NTRK3: variants seen among roughly 807,000 people sequenced by gnomAD.
NTRK3 encodes the protein neurotrophic receptor tyrosine kinase 3, also known as NT-3 growth factor receptor.
Under a neutral mutation model 91.7 loss-of-function variants are expected in NTRK3, and 24 were observed. The ratio of observed to expected loss-of-function variants is 0.26; its 90% confidence interval spans 0.19 to 0.37. The LOEUF (loss-of-function observed/expected upper bound fraction) is 0.37. NTRK3 is among the 10% of genes least tolerant of loss of function. The probability of loss-of-function intolerance (pLI) is 1.00; values close to 1 mark genes in which losing one functional copy is unlikely to be tolerated. For synonymous variants in NTRK3, 483 were observed against 404.0 expected (o/e 1.20, Z -2.34); for missense variants, 880 against 1,068.9 (o/e 0.82, Z 2.46).
chr15:88,090,867 G>A (rs896204860), intron 13 of NTRK3, among the ~76,000 whole-genome samples: 1 of 152,082 alleles, frequency 6.6e-6, no homozygotes, highest in Admixed American at 6.5e-5. Flanking sequence ...AAAAAAGCAC[G>A]GTTTCCAGGA....
At position 88,237,156 on chromosome 15, in the gene NTRK3, C is replaced by T. The variant is rs905832159; in HGVS notation, c.248+18750G>A. ...GATGGGTTAAGGAGTGGATAGAGGG[C>T]TGGACAGATGGATAGAGGATGTGAT... On this transcript the variant is annotated intron_variant, in intron 3 of 18. Transcript: ENST00000394480. The surrounding 1 kb of genome is among the most constrained non-coding windows in gnomAD (Gnocchi z 4.0). 4.6e-5 allele frequency among the ~76,000 whole-genome samples: 7 copies of T among 152,212 alleles called. No individual in the cohort carries two copies. The highest frequency in any genetic ancestry group is 1.9e-4 in the East Asian group (1 of 5,186).
chr15:88,113,737 C>G (rs1001738941), intron 13 of NTRK3, among the ~76,000 whole-genome samples: 1 of 152,194 alleles, frequency 6.6e-6, no homozygotes, highest in African/African-American at 2.4e-5. Flanking sequence ...CATGCTCATT[C>G]ATTTACATAT....
chr15:88,066,445 C>T (rs1055874557), intron 13 of NTRK3, among the ~76,000 whole-genome samples: 5 of 152,228 alleles, frequency 3.3e-5, no homozygotes, highest in Non-Finnish European at 5.9e-5. Flanking sequence ...AATGGACACA[C>T]AGCCCTGCCT....
chr15:87,931,822 C>T (rs761424098), intron 16 of NTRK3, among the ~76,000 whole-genome samples: 3 of 152,144 alleles, frequency 2.0e-5, no homozygotes, highest in Non-Finnish European at 4.4e-5. Flanking sequence ...ATTGAATGTC[C>T]CACTTCAAGA....
intron 3 of NTRK3, among the ~76,000 whole-genome samples, chr15:88,220,271 A>G (rs1164090625): frequency 6.6e-6 from 1 of 152,166 alleles, no homozygotes; most frequent in African/African-American, 2.4e-5. Context: ...GTGGAGTCCC[A>G]TGGCAGGGGT....
At chr15:88,098,446 G>A (rs1567398287) in intron 13 of NTRK3, 1 of 197,264 alleles carries the variant, frequency 5.1e-6, no homozygotes, top group East Asian at 7.9e-5. Context: ...AGCCACTCGT[G>A]GAGCTTCAGC....
intron 16 of NTRK3, among the ~76,000 whole-genome samples, chr15:87,930,468 T>C (rs2141927993): frequency 6.6e-6 from 1 of 152,180 alleles, no homozygotes; most frequent in South Asian, 2.1e-4. Context: ...TTTTACTATC[T>C]CCGGTGGGCT....
intron 14 of NTRK3, among the ~76,000 whole-genome samples, chr15:88,031,139 A>G (rs2078496102): frequency 6.6e-6 from 1 of 152,366 alleles, no homozygotes; most frequent in Admixed American, 6.5e-5. Context: ...TTAAACAGAA[A>G]CATATGACAA....
At chr15:88,080,239 G>T (rs2047925875) in intron 13 of NTRK3, among the ~76,000 whole-genome samples, 1 of 152,182 alleles carries the variant, frequency 6.6e-6, no homozygotes, top group South Asian at 2.1e-4. Context: ...ACATGGAATT[G>T]CTCAGTCAAA....
intron 13 of NTRK3, among the ~76,000 whole-genome samples, chr15:88,075,136 G>A (rs1314771228): frequency 4.6e-5 from 7 of 152,166 alleles, no homozygotes. Context: ...AAACTGTACA[G>A]TGACCCTGCA....
intron 17 of NTRK3, among the ~76,000 whole-genome samples, chr15:87,902,870 G>A (rs2066535406): frequency 6.6e-6 from 1 of 152,092 alleles, no homozygotes; most frequent in South Asian, 2.1e-4. Context: ...GCCCAGCTAG[G>A]ATGAAACTAC....
At chr15:87,906,965 T>C (rs1839347782) in intron 17 of NTRK3, among the ~76,000 whole-genome samples, 1 of 152,220 alleles carries the variant, frequency 6.6e-6, no homozygotes, top group Non-Finnish European at 1.5e-5. Flanking sequence ...TAACTCAGGA[T>C]ACATGGATAA....
chr15:88,126,276 A>G (rs767212935), exon 13 of NTRK3: 1 of 1,611,966 alleles, frequency 6.2e-7, no homozygotes, highest in South Asian at 1.1e-5. Context: ...CTTACCCTTC[A>G]TTCCAAATTT....
chr15:88,250,430 G>T (rs1176612019), intron 3 of NTRK3, among the ~76,000 whole-genome samples: 1 of 152,214 alleles, frequency 6.6e-6, no homozygotes, highest in East Asian at 1.9e-4. Context: ...TAAAAATAAT[G>T]ATATGACTGA....
At chr15:88,123,746 A>G (rs762105437) in intron 13 of NTRK3, among the ~76,000 whole-genome samples, 2 of 152,236 alleles carry the variant, frequency 1.3e-5, no homozygotes, top group East Asian at 3.8e-4. Flanking sequence ...AGTCATAGGC[A>G]TATTCAAAGA....
chr15:87,872,264 G>T (rs1289607769), exon 19 of NTRK3: 1 of 218,430 alleles, frequency 4.6e-6, no homozygotes, highest in Non-Finnish European at 9.1e-6. Context: ...TTAATCTCAA[G>T]ACTGTCCATT....
At chr15:88,002,181 T>G (rs914722773) in intron 14 of NTRK3, among the ~76,000 whole-genome samples, 16 of 147,744 alleles carry the variant, frequency 1.1e-4, no homozygotes, top group Non-Finnish European at 1.5e-4. Flanking sequence ...TTTTTTTTTT[T>G]TTTTTTTTTT....
intron 14 of NTRK3, among the ~76,000 whole-genome samples, chr15:87,976,453 C>T (rs755261855): frequency 2.0e-5 from 3 of 152,168 alleles, no homozygotes; most frequent in Non-Finnish European, 4.4e-5. Context: ...AATGACTGAG[C>T]TCCATCAGGG....
In NTRK3 at chr15:88,177,528, A is replaced by C. The variant is rs74481559; in HGVS notation, c.395+5890T>G. 9.3e-4 allele frequency among the ~76,000 whole-genome samples: 141 copies of C among 152,334 alleles called. 2 individuals are homozygous for C. In the East Asian group the frequency reaches 0.026, roughly 28 times the overall value. On this transcript the variant is annotated intron_variant, in intron 5 of 18. Coordinates refer to ENST00000394480, the Ensembl canonical transcript of NTRK3. ...AGGTAAAGGAAAGAGAGGCATCAAG[A>C]ATGTCTCCCAAGGTTTTGGCCTGAG...
Sources: gnomAD v4.1 joint callset for allele counts (sites outside exome capture counted in the v4.1 genomes callset) on GRCh38, gnomAD v4.1.1 for gene constraint, Gnocchi (gnomAD v3.1) non-coding constraint, MANE v1.5 for transcripts, NCBI Gene and HGNC (gene_info 2026-07-23, HGNC 2026-07-21) for gene names.